NTAN1: variants seen among roughly 807,000 people sequenced by gnomAD.
The protein encoded by NTAN1 is protein N-terminal asparagine amidohydrolase.
NTAN1 carries 32 observed loss-of-function variants against 41.9 expected under a neutral mutation model. That is an observed-to-expected ratio of 0.76 (90% confidence interval 0.58 to 1.03). The LOEUF is 1.03. Among genes scored for constraint, NTAN1 ranks in the 50% least tolerant of loss-of-function variants. The pLI, the probability that NTAN1 is intolerant of heterozygous loss-of-function variation, is 0.00. For missense variants in NTAN1, 377 were observed against 377.5 expected (o/e 1.00, Z 0.01); for synonymous variants, 140 against 139.5 (o/e 1.00, Z -0.03).
At chr16:15,040,780 C>T (rs2151689907) in intron 7 of NTAN1, among the ~76,000 whole-genome samples, 1 of 152,272 alleles carries the variant, frequency 6.6e-6, no homozygotes, top group South Asian at 2.1e-4. Flanking sequence ...GAAACAAAAC[C>T]AGGCACTTTC....
At chr16:15,049,724 C>T (rs2151721921) in intron 1 of NTAN1, among the ~76,000 whole-genome samples, 1 of 152,234 alleles carries the variant, frequency 6.6e-6, no homozygotes, top group African/African-American at 2.4e-5. Context: ...CATGCCCAGC[C>T]CCCTGTGTAA....
Position 15,047,846 on chromosome 16 carries a change from T to C in NTAN1, c.250+9A>G, listed in dbSNP as rs1253620334. Reference sequence around the variant, plus strand: ...TAAGTAATGGTTTCCTTCACCTCTCTCATCATACCTGTGTGCCTCAGGACC... The same window carrying C: ...TAAGTAATGGTTTCCTTCACCTCTCCCATCATACCTGTGTGCCTCAGGACC... On this transcript the variant is annotated intron_variant, in intron 3 of 9. Transcript: ENST00000287706. 1 of 1,607,628 alleles carries C rather than the reference T, an allele frequency of 6.2e-7. No homozygotes were observed. Among genetic ancestry groups the C allele is most frequent in the African/African-American group, 1.3e-5 (1 of 74,796 alleles).
intron 4 of NTAN1, among the ~76,000 whole-genome samples, chr16:15,046,697 CAAAAAAAAAAAA>C (rs9331444): frequency 6.9e-5 from 3 of 43,620 alleles, no homozygotes; most frequent in African/African-American, 2.9e-4. Context: ...CTGTCTCTAC[CAAAAAAAAAAAA>C]AAAAAAAAAA....
intron 8 of NTAN1, among the ~76,000 whole-genome samples, chr16:15,039,263 TA>T (rs2043695988): frequency 6.6e-6 from 1 of 152,204 alleles, no homozygotes; most frequent in Admixed American, 6.5e-5. Flanking sequence ...CTAGGCCTGT[TA>T]CACTCCTTGA....
At position 15,044,413 on chromosome 16, in the gene NTAN1, A is replaced by G; in HGVS notation, c.360-6T>C. On this transcript the variant is annotated splice_polypyrimidine_tract_variant and splice_region_variant and intron_variant, in intron 4 of 9. Transcript: ENST00000287706. ...CAACAAGGTGTACTTCCAGCCTGGC[A>G]AAGAGATGAGACGGGTCAGAGGCCA... is the stretch of plus-strand genomic sequence containing the variant. The G allele has an allele frequency of 6.2e-7, 1 of 1,609,708 alleles. No individual in the cohort carries two copies. Among genetic ancestry groups the G allele is most frequent in the Non-Finnish European group, 8.5e-7 (1 of 1,176,032 alleles).
At position 15,055,957 on chromosome 16, in the gene NTAN1, G is replaced by C; in HGVS notation, c.15C>G (p.Val5=). 1 of 1,228,352 alleles carries C rather than the reference G, an allele frequency of 8.1e-7. No individual in the cohort carries two copies. Among genetic ancestry groups the C allele is most frequent in the Non-Finnish European group, 1.0e-6 (1 of 985,076 alleles). The allele number at this position is 1,228,352 out of a possible 1,614,324, so 76.1% of individuals were successfully genotyped here. The part of the protein sequence containing the change: MPLL[V]EGRRVRLPQS... ...GCGGCAGCCGCACTCGCCGCCCCTC[G>C]ACGAGCAGCGGCATCGCGGAGGCGG... Residue 5 remains valine, a synonymous_variant, in exon 1 of 10, where the codon GTC becomes GTG. Coordinates refer to ENST00000287706, the MANE Select transcript of NTAN1 (RefSeq NM_173474.4).
chr16:15,042,718 C>CTATTTATTTATTTATTTATTTATT (rs58123477), intron 5 of NTAN1, among the ~76,000 whole-genome samples: 80 of 147,104 alleles, frequency 5.4e-4, no homozygotes, highest in Admixed American at 1.3e-3. Flanking sequence ...AAAGGATGAA[C>CTATTTATTTATTTATTTATTTATT]TATTTATTTA....
chr16:15,044,488 A>G (rs1381108591), intron 4 of NTAN1, 81 bp from the exon 5 acceptor site: 18 of 908,016 alleles, frequency 2.0e-5, no homozygotes, highest in Admixed American at 1.3e-4. Context: ...TTTCATTCTC[A>G]GTTTCCATGA....
In NTAN1 at chr16:15,055,925, G is replaced by GC. The variant is rs1178678990; in HGVS notation, c.46dup (p.Ala16GlyfsTer55). 8.1e-7 allele frequency: 1 copy of GC among 1,232,326 alleles called. No individual in the cohort carries two copies. The highest frequency in any genetic ancestry group is 1.0e-6 in the Non-Finnish European group (1 of 987,352). 76.3% of individuals were successfully genotyped at this position (1,232,326 alleles called of 1,614,324 possible). On this transcript the variant is annotated frameshift_variant, in exon 1 of 10. Coordinates refer to ENST00000287706, the MANE Select transcript of NTAN1 (RefSeq NM_173474.4). LOFTEE classifies it high-confidence loss of function. ...CGGGTGGGCTCGGACGAGGTCCCCGGCTGACTGCGGCAGCCGCACTCGCCG... is the reference window on the plus strand; with the variant it reads ...CGGGTGGGCTCGGACGAGGTCCCCGGCCTGACTGCGGCAGCCGCACTCGCCG...
In NTAN1 at chr16:15,044,426, G is replaced by T; in HGVS notation, c.360-19C>A. The T allele has an allele frequency of 6.3e-7, 1 of 1,582,276 alleles. No homozygotes were observed. Among genetic ancestry groups the T allele is most frequent in the Non-Finnish European group, 8.7e-7 (1 of 1,151,118 alleles). ...TTCCAGCCTGGCAAAGAGATGAGAC[G>T]GGTCAGAGGCCAGAAGAAGACACCG... On this transcript the variant is annotated intron_variant, in intron 4 of 9. Transcript: ENST00000287706.
intron 4 of NTAN1, chr16:15,047,128 G>A (rs2044105096): frequency 2.6e-6 from 1 of 384,458 alleles, no homozygotes; most frequent in Non-Finnish European, 4.8e-6. Flanking sequence ...ATGACTGCAT[G>A]GAGAGCTACC....
At chr16:15,052,786 T>C (rs1032103464) in intron 1 of NTAN1, among the ~76,000 whole-genome samples, 4 of 151,868 alleles carry the variant, frequency 2.6e-5, no homozygotes, top group Non-Finnish European at 4.4e-5. Context: ...GATCGTGCCA[T>C]TGCACTCCAG....
At chr16:15,049,079 C>T (rs960937172) in intron 1 of NTAN1, among the ~76,000 whole-genome samples, 5 of 127,310 alleles carry the variant, frequency 3.9e-5, no homozygotes, top group African/African-American at 9.2e-5. Flanking sequence ...CTTTTTGTAG[C>T]GACGGGGTCT....
intron 4 of NTAN1, 98 bp downstream of exon 4, chr16:15,047,344 G>C: frequency 1.2e-6 from 1 of 802,178 alleles, no homozygotes; most frequent in Non-Finnish European, 2.2e-6. Context: ...ACACGGCAGT[G>C]GTGGCATCCT....
chr16:15,038,868 A>G lies in NTAN1; in HGVS notation c.640-181T>C, dbSNP rs546968128. On this transcript the variant is annotated intron_variant, in intron 8 of 9. Transcript: ENST00000287706. ...ACGTCCAGTGTGTCTGCTTCTGCACACTGTGGGGCACGCACGACTGCTGAG... is the reference window on the plus strand; with the variant it reads ...ACGTCCAGTGTGTCTGCTTCTGCACGCTGTGGGGCACGCACGACTGCTGAG... Among the ~76,000 whole-genome samples, 367 of 152,352 alleles carry G rather than the reference A, an allele frequency of 2.4e-3. 1 individual carries two copies. The highest frequency in any genetic ancestry group is 4.2e-3 in the Non-Finnish European group (287 of 68,036).
intron 5 of NTAN1, among the ~76,000 whole-genome samples, chr16:15,042,465 C>T (rs1470089043): frequency 3.9e-5 from 6 of 152,160 alleles, no homozygotes; most frequent in Non-Finnish European, 8.8e-5. Flanking sequence ...TCTGGGATTA[C>T]AGGAATGAGC....
At chr16:15,052,801 G>A (rs1389004194) in intron 1 of NTAN1, among the ~76,000 whole-genome samples, 1 of 151,942 alleles carries the variant, frequency 6.6e-6, no homozygotes, top group Non-Finnish European at 1.5e-5. Context: ...CTCCAGCCTG[G>A]GTGACAGAGC....
chr16:15,041,913 G>A (rs967302254), intron 5 of NTAN1, among the ~76,000 whole-genome samples: 1 of 152,194 alleles, frequency 6.6e-6, no homozygotes, highest in Admixed American at 6.5e-5. Flanking sequence ...AAGGAGCCTG[G>A]GCTGAGCCTT....
At chr16:15,046,521 T>A (rs2044070501) in intron 4 of NTAN1, among the ~76,000 whole-genome samples, 1 of 151,886 alleles carries the variant, frequency 6.6e-6, no homozygotes, top group Non-Finnish European at 1.5e-5. Context: ...TTTACTGCAG[T>A]GAGAGAGGAT....
Sources: gnomAD v4.1 joint callset for allele counts (sites outside exome capture counted in the v4.1 genomes callset) on GRCh38, gnomAD v4.1.1 for gene constraint, MANE v1.5 for transcripts, NCBI Gene and HGNC (gene_info 2026-07-23, HGNC 2026-07-21) for gene names.